CCDC82: variants seen among roughly 807,000 people sequenced by gnomAD.
The protein encoded by CCDC82 is coiled-coil domain-containing protein 82.
Under a neutral mutation model 60.6 loss-of-function variants are expected in CCDC82, and 47 were observed. The observed-to-expected ratio is 0.77, with a 90% CI of 0.61 to 0.99. CCDC82 has a LOEUF of 0.99. Ranked by LOEUF, CCDC82 falls within the 50% of genes least tolerant of loss-of-function variation. The pLI, the probability that CCDC82 is intolerant of heterozygous loss-of-function variation, is 0.00. For missense variants in CCDC82, 588 were observed against 633.0 expected (o/e 0.93, Z 0.76); for synonymous variants, 212 against 207.4 (o/e 1.02, Z -0.19).
chr11:96,357,734 A>C, intron 9 of CCDC82: 2 of 985,402 alleles, frequency 2.0e-6, no homozygotes, highest in Non-Finnish European at 1.2e-6. Flanking sequence ...GCAACACTTA[A>C]AGGCATCAAT....
chr11:96,360,351 C>G (rs546978947), intron 8 of CCDC82, among the ~76,000 whole-genome samples: 8 of 150,930 alleles, frequency 5.3e-5, no homozygotes, highest in Admixed American at 4.6e-4. Context: ...TGTCACCACA[C>G]GCAGCTAATT....
chr11:96,359,642 T>TAAAAAAAAAAAAAAAA (rs139619843), intron 8 of CCDC82, among the ~76,000 whole-genome samples: 2 of 81,390 alleles, frequency 2.5e-5, no homozygotes, highest in African/African-American at 4.6e-5. Flanking sequence ...ATGGGCAAAG[T>TAAAAAAAAAAAAAAAA]AAAAAAAAAA....
At chr11:96,376,400 AT>A (rs11325062) in intron 5 of CCDC82, among the ~76,000 whole-genome samples, 105,634 of 149,338 alleles carry the variant, frequency 0.71, 37,434 homozygotes, top group African/African-American at 0.8. Context: ...AGTAAAGTGT[AT>A]TTTTTTTAAC....
chr11:96,388,009 A>G (rs1178087997), intron 1 of CCDC82: 1 of 152,278 alleles, frequency 6.6e-6, no homozygotes, highest in Non-Finnish European at 1.5e-5. Flanking sequence ...AACAAAATAA[A>G]TCAGGTTTCA....
intron 7 of CCDC82, among the ~76,000 whole-genome samples, chr11:96,367,405 A>C (rs1039655105): frequency 6.6e-6 from 1 of 152,196 alleles, no homozygotes; most frequent in African/African-American, 2.4e-5. Context: ...TCATTTCAAC[A>C]ATGTTTGTAG....
chr11:96,368,102 G>C (rs917048545), intron 7 of CCDC82, among the ~76,000 whole-genome samples: 1 of 152,068 alleles, frequency 6.6e-6, no homozygotes, highest in African/African-American at 2.4e-5. Flanking sequence ...TTACAGGCCT[G>C]AGCCACCACA....
chr11:96,374,897 T>C (rs6483501), intron 5 of CCDC82, among the ~76,000 whole-genome samples: 11,077 of 152,120 alleles, frequency 0.073, 444 homozygotes, highest in Middle Eastern at 0.092. Flanking sequence ...TGTAATTTAT[T>C]TACATTGCCA....
At chr11:96,360,828 T>C (rs1029604003) in intron 8 of CCDC82, among the ~76,000 whole-genome samples, 4 of 152,234 alleles carry the variant, frequency 2.6e-5, no homozygotes, top group Admixed American at 6.5e-5. Context: ...ATCACAATGA[T>C]TGGCAACAAT....
At chr11:96,386,193 A>G (rs1866180814) in intron 3 of CCDC82, 61 bp downstream of exon 3, 1 of 152,474 alleles carries the variant, frequency 6.6e-6, no homozygotes. Context: ...ATGTGCTGCG[A>G]ATTCTGAAGG....
chr11:96,362,569 A>T (rs1864720132), intron 8 of CCDC82, among the ~76,000 whole-genome samples: 1 of 152,188 alleles, frequency 6.6e-6, no homozygotes, highest in Non-Finnish European at 1.5e-5. Flanking sequence ...GATTGTTTTT[A>T]GTTCTCCCAA....
chr11:96,361,508 T>C (rs1376240050), intron 8 of CCDC82, among the ~76,000 whole-genome samples: 2 of 152,210 alleles, frequency 1.3e-5, no homozygotes, highest in Non-Finnish European at 2.9e-5. Context: ...TTTCCCAAAA[T>C]ATGATCACAT....
intron 5 of CCDC82, 136 bp downstream of exon 5, chr11:96,383,133 A>C: frequency 1.6e-6 from 1 of 643,566 alleles, no homozygotes; most frequent in Admixed American, 2.7e-5. Flanking sequence ...TAAACTATTA[A>C]ACTGACAAGG....
chr11:96,377,646 AATTAT>A (rs1865659603), intron 5 of CCDC82, among the ~76,000 whole-genome samples: 1 of 152,056 alleles, frequency 6.6e-6, no homozygotes, highest in Non-Finnish European at 1.5e-5. Context: ...AATCTCAATA[AATTAT>A]ATGACTTTTT....
At chr11:96,386,873 A>G (rs919832035) in intron 2 of CCDC82, 3 of 152,214 alleles carry the variant, frequency 2.0e-5, no homozygotes, top group African/African-American at 7.2e-5. Flanking sequence ...AAAAATCTCT[A>G]TATTAAAGTA....
At chr11:96,372,735 T>C (rs1358321809) in intron 6 of CCDC82, among the ~76,000 whole-genome samples, 2 of 145,790 alleles carry the variant, frequency 1.4e-5, no homozygotes, top group Non-Finnish European at 3.0e-5. Context: ...TATATAAATA[T>C]ATAAATATAC....
In CCDC82 at chr11:96,383,369, G is replaced by C. The variant is rs1865982246; in HGVS notation, c.891C>G (p.Asp297Glu). The C allele has an allele frequency of 6.2e-7, 1 of 1,602,932 alleles. No homozygotes were observed. The highest frequency in any genetic ancestry group is 1.3e-5 in the African/African-American group (1 of 74,668). Reference protein sequence around the residue: ...DEDGDDYIIDDFVVQDEEGDE... With the variant: ...DEDGDDYIIDEFVVQDEEGDE... ...CACCCTCCTCATCTTGCACTACAAA[G>C]TCATCGATAATATAATCATCTCCAT... is the stretch of plus-strand genomic sequence containing the variant. The change falls in exon 5 of 10, where the codon GAC becomes GAG. Residue 297 changes from aspartate to glutamate, a missense_variant. Physicochemically the swap from Asp to Glu is conservative, Grantham distance 45. Coordinates refer to ENST00000646818, the MANE Select transcript of CCDC82 (RefSeq NM_024725.4).
rs1866060060 is a variant in CCDC82, at chr11:96,384,324, C to T, written c.424G>A (p.Gly142Arg). 1 of 1,612,926 alleles carries T rather than the reference C, an allele frequency of 6.2e-7. No homozygotes were observed. Among genetic ancestry groups the T allele is most frequent in the African/African-American group, 1.3e-5 (1 of 74,754 alleles). Residue 142 changes from glycine (G) to arginine (R), a missense_variant, in exon 4 of 10, where the codon GGA becomes AGA. Transcript: ENST00000646818. ...TCCTGATCATCCTCTATTATTTGTC[C>T]AGTTTGTTTGTTGAGATCATTATCC... ...QEDNDLNKQT[G>R]QIIEDDQEKH... is the part of the protein sequence containing the mutation.
intron 4 of CCDC82, 73 bp downstream of exon 4, chr11:96,383,889 C>CT (rs1191189674): frequency 2.2e-6 from 3 of 1,393,356 alleles, no homozygotes; most frequent in Middle Eastern, 2.3e-4. Context: ...GGACTCAGCA[C>CT]TTTTTTATAA....
intron 6 of CCDC82, among the ~76,000 whole-genome samples, chr11:96,372,975 A>T (rs1241037230): frequency 1.3e-5 from 2 of 152,052 alleles, no homozygotes; most frequent in Non-Finnish European, 2.9e-5. Flanking sequence ...TGGGACAAAA[A>T]GGGATTCTAT....
Sources: allele counts gnomAD v4.1 joint callset (sites outside exome capture counted in the v4.1 genomes callset), GRCh38; gene constraint gnomAD v4.1.1; transcripts MANE v1.5; gene names NCBI Gene and HGNC (gene_info 2026-07-23, HGNC 2026-07-21).